ATP2B2: variants seen among roughly 807,000 people sequenced by gnomAD.
The protein encoded by ATP2B2 is plasma membrane calcium-transporting ATPase 2.
A neutral mutation model predicts 120.0 loss-of-function variants in ATP2B2; 15 were observed. The observed-to-expected ratio is 0.12, with a 90% confidence interval of 0.08 to 0.19. The LOEUF is 0.19. Ranked by LOEUF, ATP2B2 falls within the 10% of genes least tolerant of loss-of-function variation. The pLI is 1.00. For missense variants in ATP2B2, 1,045 were observed against 1,719.8 expected (o/e 0.61, Z 6.94); for synonymous variants, 694 against 700.3 (o/e 0.99, Z 0.14).
chr3:10,421,959 C>G (rs2062996227), intron 2 of ATP2B2, among the ~76,000 whole-genome samples: 1 of 152,250 alleles, frequency 6.6e-6, no homozygotes. Flanking sequence ...CCCCTGACAG[C>G]ATTTGTCACC....
intron 1 of ATP2B2, among the ~76,000 whole-genome samples, chr3:10,501,373 G>GTTT (rs71626976): frequency 0.045 from 6,498 of 143,786 alleles, 538 homozygotes; most frequent in African/African-American, 0.16. Context: ...TTTTTAAACG[G>GTTT]TTTTTTTTTT....
chr3:10,571,175 G>A (rs1289598966), intron 2 of ATP2B2, among the ~76,000 whole-genome samples: 3 of 152,250 alleles, frequency 2.0e-5, no homozygotes, highest in Non-Finnish European at 4.4e-5. Context: ...AAGTGAAGAA[G>A]GCAGAATATT....
chr3:10,337,763 C>T (rs1631876), intron 22 of ATP2B2, among the ~76,000 whole-genome samples: 25,054 of 152,024 alleles, frequency 0.16, 3,092 homozygotes, highest in African/African-American at 0.35. Flanking sequence ...CCACCACGCC[C>T]TGGGGGACCC....
At chr3:10,604,706 G>C (rs949724942) in intron 2 of ATP2B2, among the ~76,000 whole-genome samples, 2 of 152,204 alleles carry the variant, frequency 1.3e-5, no homozygotes, top group Admixed American at 1.3e-4. Context: ...TGGAAGACCA[G>C]GTAACACTAG....
intron 2 of ATP2B2, 81 bp downstream of exon 2, chr3:10,449,264 T>G: frequency 6.9e-7 from 1 of 1,453,028 alleles, no homozygotes; most frequent in Non-Finnish European, 9.6e-7. Flanking sequence ...TGCTGTTACA[T>G]ATTATGAATA....
chr3:10,360,481 G>A (rs2060866394), intron 12 of ATP2B2, among the ~76,000 whole-genome samples: 1 of 152,188 alleles, frequency 6.6e-6, no homozygotes, highest in South Asian at 2.1e-4. Flanking sequence ...AAACATTACA[G>A]ATAAAGTTGA....
At chr3:10,665,909 A>T (rs1302613500) in intron 1 of ATP2B2, among the ~76,000 whole-genome samples, 1 of 152,202 alleles carries the variant, frequency 6.6e-6, no homozygotes, top group Non-Finnish European at 1.5e-5. Context: ...TGTCCTCATC[A>T]GAAAAACCTA....
At chr3:10,481,638 C>T (rs2065419389) in intron 1 of ATP2B2, among the ~76,000 whole-genome samples, 1 of 152,204 alleles carries the variant, frequency 6.6e-6, no homozygotes, top group African/African-American at 2.4e-5. Context: ...ACTGCAACCT[C>T]CACCTCCTGG....
chr3:10,340,839 G>A lies in ATP2B2; in HGVS notation c.2918-135C>T. 1.1e-6 allele frequency: 1 copy of A among 877,838 alleles called. No individual in the cohort carries two copies. Among genetic ancestry groups the A allele is most frequent in the Admixed American group, 2.0e-5 (1 of 50,018 alleles). 54.4% of individuals were successfully genotyped at this position (877,838 alleles called of 1,614,324 possible). On this transcript the variant is annotated intron_variant, in intron 19 of 22. Transcript: ENST00000360273. The surrounding 1 kb of genome is among the most constrained non-coding windows in gnomAD (Gnocchi z 5.0). ...GACATCAAGGCATGCTTGGACAGTG[G>A]GGGGCCAGGGCTGTGCTGTCAGCTG... is the stretch of plus-strand genomic sequence containing the variant.
At chr3:10,680,125 T>C (rs896805205) in intron 1 of ATP2B2, among the ~76,000 whole-genome samples, 1 of 152,230 alleles carries the variant, frequency 6.6e-6, no homozygotes, top group Non-Finnish European at 1.5e-5. Context: ...TGTCAGATCC[T>C]GACATGCATC....
intron 3 of ATP2B2, among the ~76,000 whole-genome samples, chr3:10,523,068 G>A (rs899721886): frequency 1.3e-5 from 2 of 152,228 alleles, no homozygotes; most frequent in Non-Finnish European, 2.9e-5. Context: ...GAGGCCAAGA[G>A]TGAAAGGCTC....
intron 1 of ATP2B2, among the ~76,000 whole-genome samples, chr3:10,637,028 A>T (rs1575581861): frequency 1.3e-5 from 2 of 152,184 alleles, no homozygotes; most frequent in Non-Finnish European, 2.9e-5. Flanking sequence ...CCAGACTGGG[A>T]CACCTCAAGA....
chr3:10,397,956 T>C (rs2062095562), intron 5 of ATP2B2, among the ~76,000 whole-genome samples: 1 of 152,130 alleles, frequency 6.6e-6, no homozygotes, highest in African/African-American at 2.4e-5. Flanking sequence ...TTTCTCCCTA[T>C]GAGTTTGAGC....
intron 14 of ATP2B2, among the ~76,000 whole-genome samples, chr3:10,353,835 T>G (rs1218146069): frequency 6.6e-6 from 1 of 152,184 alleles, no homozygotes; most frequent in Non-Finnish European, 1.5e-5. Context: ...GGCTCTGCTC[T>G]AGGGTCTCAC....
intron 1 of ATP2B2, among the ~76,000 whole-genome samples, chr3:10,646,517 G>A (rs1670872995): frequency 6.6e-6 from 1 of 151,990 alleles, no homozygotes; most frequent in Admixed American, 6.6e-5. Flanking sequence ...TCTTTTGCTT[G>A]TCATCACTTC....
chr3:10,660,388 A>C (rs991907863), intron 1 of ATP2B2, among the ~76,000 whole-genome samples: 1 of 152,234 alleles, frequency 6.6e-6, no homozygotes, highest in African/African-American at 2.4e-5. Context: ...AGAATCAAAT[A>C]GATGCAATAA....
chr3:10,371,730 A>G (rs2061248154), intron 12 of ATP2B2, 79 bp downstream of exon 12: 2 of 1,606,620 alleles, frequency 1.2e-6, no homozygotes, highest in East Asian at 2.2e-5. Context: ...TATGAATCAC[A>G]TTGCTCAACC....
intron 2 of ATP2B2, among the ~76,000 whole-genome samples, chr3:10,437,579 A>G (rs2063517638): frequency 6.6e-6 from 1 of 152,172 alleles, no homozygotes; most frequent in Admixed American, 6.5e-5. Flanking sequence ...TCAGTACAGC[A>G]GTGAGCGTGT....
intron 2 of ATP2B2, among the ~76,000 whole-genome samples, chr3:10,441,100 T>C (rs2125140971): frequency 6.6e-6 from 1 of 152,308 alleles, no homozygotes; most frequent in South Asian, 2.1e-4. Flanking sequence ...GCACCTCCCT[T>C]TCCTGGGAAT....
Sources: gnomAD v4.1 joint callset for allele counts (sites outside exome capture counted in the v4.1 genomes callset) on GRCh38, gnomAD v4.1.1 for gene constraint, Gnocchi (gnomAD v3.1) non-coding constraint, MANE v1.5 for transcripts, NCBI Gene and HGNC (gene_info 2026-07-23, HGNC 2026-07-21) for gene names.